Variants in IKZF3 observed in about 807,000 individuals in gnomAD.
The protein encoded by IKZF3 is IKAROS family zinc finger 3.
Under a neutral mutation model 49.0 loss-of-function variants are expected in IKZF3, and 10 were observed. The ratio of observed to expected loss-of-function variants is 0.20; its 90% CI spans 0.13 to 0.35. The LOEUF (loss-of-function observed/expected upper bound fraction) is 0.35, where lower values mean the gene tolerates loss of function less well. Among genes scored for constraint, IKZF3 ranks in the 10% least tolerant of loss-of-function variants. IKZF3 has a pLI of 1.00. For synonymous variants in IKZF3, 209 were observed against 228.2 expected (o/e 0.92, Z 0.76); for missense variants, 498 against 664.8 (o/e 0.75, Z 2.76).
At chr17:39,769,914 A>T (rs1052579876) in intron 7 of IKZF3, among the ~76,000 whole-genome samples, 1 of 152,236 alleles carries the variant, frequency 6.6e-6, no homozygotes, top group Non-Finnish European at 1.5e-5. Context: ...AAAAGGCAAA[A>T]CATTAAGAGG....
intron 1 of IKZF3, among the ~76,000 whole-genome samples, chr17:39,841,244 A>G (rs373287584): frequency 3.3e-5 from 5 of 151,764 alleles, no homozygotes; most frequent in East Asian, 1.9e-4. Context: ...CTCAAACAGT[A>G]TAAGAGGACA....
In IKZF3 at chr17:39,765,751, G is replaced by A. The variant is rs771486799; in HGVS notation, c.*39C>T. 4.1e-6 allele frequency: 6 copies of A among 1,463,962 alleles called. No homozygotes were observed. The highest frequency in any genetic ancestry group is 1.4e-5 in the African/African-American group (1 of 71,146). The allele number at this position is 1,463,962 out of a possible 1,614,324, so 90.7% of individuals were successfully genotyped here. A position where few individuals can be genotyped will look rare whatever the true frequency, so the allele number is the denominator to read the frequency against. Reference sequence around the variant, plus strand: ...GGCGAGGTCATTGGTTTTTAGAAACGATGCTGAATACATAGGAGCAATCCC... The same window carrying A: ...GGCGAGGTCATTGGTTTTTAGAAACAATGCTGAATACATAGGAGCAATCCC... On this transcript the variant is annotated 3_prime_UTR_variant, in exon 8 of 8. Coordinates refer to ENST00000346872, the MANE Select transcript of IKZF3 (RefSeq NM_012481.5).
intron 3 of IKZF3, among the ~76,000 whole-genome samples, chr17:39,794,536 AG>A (rs1321059610): frequency 2.6e-5 from 4 of 152,220 alleles, no homozygotes; most frequent in African/African-American, 9.6e-5. Context: ...AGAGCAAGAC[AG>A]GGCCTAACCA....
At chr17:39,802,207 G>C (rs1328337724) in intron 3 of IKZF3, among the ~76,000 whole-genome samples, 1 of 105,544 alleles carries the variant, frequency 9.5e-6, no homozygotes, top group Non-Finnish European at 1.7e-5. Flanking sequence ...GGGTGACAGA[G>C]TGAGACTCCA....
intron 7 of IKZF3, among the ~76,000 whole-genome samples, chr17:39,775,948 A>G (rs374792256): frequency 5.9e-5 from 9 of 151,968 alleles, no homozygotes; most frequent in Admixed American, 3.3e-4. Flanking sequence ...AAAGAAAGAA[A>G]GAAAGAAATG....
chr17:39,811,235 T>TGAAAGAAACAAAGAAA (rs1555633970), intron 3 of IKZF3, among the ~76,000 whole-genome samples: 4 of 141,332 alleles, frequency 2.8e-5, no homozygotes, highest in Non-Finnish European at 6.0e-5. Flanking sequence ...AGACCCTGTC[T>TGAAAGAAACAAAGAAA]GAAAGAAAGA....
At chr17:39,785,949 C>A (rs554799417) in intron 6 of IKZF3, among the ~76,000 whole-genome samples, 2 of 151,980 alleles carry the variant, frequency 1.3e-5, no homozygotes. Context: ...TAAAAGGAGC[C>A]GACACAAAAG....
intron 7 of IKZF3, among the ~76,000 whole-genome samples, chr17:39,775,021 A>T (rs1182969892): frequency 6.6e-6 from 1 of 152,114 alleles, no homozygotes; most frequent in Non-Finnish European, 1.5e-5. Context: ...ACATGGGAGG[A>T]GACTTCCTGG....
chr17:39,786,109 A>T (rs560331364), intron 6 of IKZF3, among the ~76,000 whole-genome samples: 1 of 152,238 alleles, frequency 6.6e-6, no homozygotes, highest in African/African-American at 2.4e-5. Context: ...GCGGATGGTG[A>T]TAATGTTCTG....
intron 7 of IKZF3, among the ~76,000 whole-genome samples, chr17:39,776,401 T>TTG (rs1233126942): frequency 1.3e-5 from 2 of 152,222 alleles, no homozygotes; most frequent in African/African-American, 2.4e-5. Context: ...AACTCACCAT[T>TTG]TGTTTACTGT....
chr17:39,862,128 GTT>G (rs1320941451), intron 1 of IKZF3, among the ~76,000 whole-genome samples: 1 of 152,070 alleles, frequency 6.6e-6, no homozygotes, highest in East Asian at 1.9e-4. Context: ...AAATTAAAAA[GTT>G]ATAGCTTCTG....
At chr17:39,792,162 T>C (rs2061040634) in intron 4 of IKZF3, among the ~76,000 whole-genome samples, 1 of 152,216 alleles carries the variant, frequency 6.6e-6, no homozygotes, top group South Asian at 2.1e-4. Flanking sequence ...TTTTAAAGTC[T>C]TCATATGAGA....
At chr17:39,771,455 T>C (rs2060440674) in intron 7 of IKZF3, among the ~76,000 whole-genome samples, 1 of 152,210 alleles carries the variant, frequency 6.6e-6, no homozygotes, top group Non-Finnish European at 1.5e-5. Context: ...CATCATTTCA[T>C]GACAAATCAG....
intron 5 of IKZF3, among the ~76,000 whole-genome samples, chr17:39,790,756 A>T (rs1374599005): frequency 6.6e-6 from 1 of 152,152 alleles, no homozygotes; most frequent in Non-Finnish European, 1.5e-5. Flanking sequence ...TCTTTTAGAG[A>T]TTTAAAATAA....
chr17:39,835,838 C>G, intron 1 of IKZF3: 1 of 570,704 alleles, frequency 1.8e-6, no homozygotes, highest in Non-Finnish European at 3.4e-6. Context: ...CAATTTTATT[C>G]TCCATCTCTG....
intron 4 of IKZF3, 48 bp from the exon 5 acceptor site, chr17:39,791,631 A>G: frequency 6.3e-7 from 1 of 1,576,386 alleles, no homozygotes; most frequent in Non-Finnish European, 8.7e-7. Context: ...GCAAGTGGAG[A>G]AACATATGCA....
At chr17:39,818,241 C>G (rs548148970) in intron 3 of IKZF3, among the ~76,000 whole-genome samples, 1 of 152,252 alleles carries the variant, frequency 6.6e-6, no homozygotes, top group East Asian at 1.9e-4. Context: ...ATCATTGACC[C>G]AAACATTATG....
intron 6 of IKZF3, among the ~76,000 whole-genome samples, chr17:39,781,507 G>A (rs984815740): frequency 6.6e-6 from 1 of 152,156 alleles, no homozygotes. Context: ...TTTTACCATT[G>A]TTCTTATTAG....
At chr17:39,828,491 G>A (rs967534696) in intron 3 of IKZF3, among the ~76,000 whole-genome samples, 2 of 152,198 alleles carry the variant, frequency 1.3e-5, no homozygotes, top group African/African-American at 4.8e-5. Flanking sequence ...GAATAAATGA[G>A]TTATGTAACA....
Sources: gnomAD v4.1 joint callset for allele counts (sites outside exome capture counted in the v4.1 genomes callset) on GRCh38, gnomAD v4.1.1 for gene constraint, MANE v1.5 for transcripts, NCBI Gene and HGNC (gene_info 2026-07-23, HGNC 2026-07-21) for gene names.